The following CACNA2D3 variants were observed in gnomAD, a reference collection of about 807,000 sequenced individuals.
The protein encoded by CACNA2D3 is voltage-dependent calcium channel subunit alpha-2/delta-3.
A neutral mutation model predicts 160.6 loss-of-function variants in CACNA2D3; 60 were observed. That is an observed-to-expected ratio of 0.37 (90% confidence interval 0.30 to 0.46). The LOEUF (loss-of-function observed/expected upper bound fraction) is 0.46, where lower values mean the gene tolerates loss of function less well. CACNA2D3 is among the 20% of genes least tolerant of loss of function. The pLI is 1.00. For missense variants in CACNA2D3, 1,205 were observed against 1,365.0 expected (o/e 0.88, Z 1.85); for synonymous variants, 558 against 492.9 (o/e 1.13, Z -1.75).
At chr3:54,168,920 T>G (rs1040572813) in intron 2 of CACNA2D3, among the ~76,000 whole-genome samples, 3 of 152,196 alleles carry the variant, frequency 2.0e-5, no homozygotes, top group Admixed American at 6.5e-5. Flanking sequence ...GTGGAAGATC[T>G]TCTGTGCACT....
At chr3:54,152,722 T>A (rs1317788066) in intron 2 of CACNA2D3, among the ~76,000 whole-genome samples, 1 of 152,248 alleles carries the variant, frequency 6.6e-6, no homozygotes, top group Non-Finnish European at 1.5e-5. Flanking sequence ...GAGAAATATT[T>A]AAGAGACATT....
chr3:54,471,209 C>T (rs1559491165), intron 4 of CACNA2D3, among the ~76,000 whole-genome samples: 1 of 152,008 alleles, frequency 6.6e-6, no homozygotes, highest in Non-Finnish European at 1.5e-5. Context: ...GTTTCTCAGA[C>T]CACAGTGCAA....
At chr3:54,361,976 A>G (rs1053772825) in intron 3 of CACNA2D3, among the ~76,000 whole-genome samples, 2 of 152,216 alleles carry the variant, frequency 1.3e-5, no homozygotes, top group African/African-American at 4.8e-5. Context: ...AACCATCAAC[A>G]TGAGCGTTAA....
At chr3:54,369,243 T>G (rs531282073) in intron 3 of CACNA2D3, among the ~76,000 whole-genome samples, 1 of 151,496 alleles carries the variant, frequency 6.6e-6, no homozygotes, top group East Asian at 1.9e-4. Context: ...AACAAAAAAC[T>G]TGTAAAATAA....
At chr3:54,855,267 A>C (rs959896857) in intron 17 of CACNA2D3, among the ~76,000 whole-genome samples, 1 of 152,038 alleles carries the variant, frequency 6.6e-6, no homozygotes, top group Admixed American at 6.5e-5. Context: ...ACCCCCTCTA[A>C]AGCTTCATAA....
At chr3:54,819,155 C>T (rs937371214) in intron 14 of CACNA2D3, among the ~76,000 whole-genome samples, 3 of 151,626 alleles carry the variant, frequency 2.0e-5, no homozygotes. Flanking sequence ...GATTTACTGT[C>T]TTGCTGCTTG....
intron 13 of CACNA2D3, among the ~76,000 whole-genome samples, chr3:54,767,723 G>T (rs929715870): frequency 6.6e-6 from 1 of 152,076 alleles, no homozygotes; most frequent in African/African-American, 2.4e-5. Flanking sequence ...GGAATATTTT[G>T]TGCCAGAAAC....
intron 32 of CACNA2D3, 141 bp from the exon 33 acceptor site, chr3:55,007,649 A>G: frequency 1.7e-6 from 1 of 595,612 alleles, no homozygotes; most frequent in Non-Finnish European, 2.9e-6. Context: ...AATTTTCTTC[A>G]CTTAGCTAGA....
chr3:55,021,705 ATATGTGTGTG>A (rs1240339159), intron 35 of CACNA2D3, among the ~76,000 whole-genome samples: 10 of 139,476 alleles, frequency 7.2e-5, no homozygotes, highest in African/African-American at 3.1e-4. Context: ...GTGTATATAT[ATATGTGTGTG>A]TATATATATA....
chr3:54,745,171 G>C (rs1701731378), intron 11 of CACNA2D3, among the ~76,000 whole-genome samples: 1 of 151,986 alleles, frequency 6.6e-6, no homozygotes, highest in Non-Finnish European at 1.5e-5. Flanking sequence ...CAGAGAGAGA[G>C]ATCTAGAGGG....
At chr3:54,943,141 A>G (rs1310472310) in intron 27 of CACNA2D3, among the ~76,000 whole-genome samples, 2 of 151,872 alleles carry the variant, frequency 1.3e-5, no homozygotes, top group Non-Finnish European at 2.9e-5. Flanking sequence ...GTTCGAGGCT[A>G]CAGTGGACTA....
intron 33 of CACNA2D3, among the ~76,000 whole-genome samples, chr3:55,008,888 T>TACACACACACACAC (rs4024588): frequency 0.061 from 8,669 of 142,788 alleles, 343 homozygotes; most frequent in Non-Finnish European, 0.073. Context: ...CCTCCCTCTA[T>TACACACACACACAC]ACACACACAC....
At chr3:54,347,884 C>T (rs1698486955) in intron 3 of CACNA2D3, among the ~76,000 whole-genome samples, 2 of 152,128 alleles carry the variant, frequency 1.3e-5, no homozygotes, top group Non-Finnish European at 2.9e-5. Flanking sequence ...AGTACCCTCC[C>T]ATGGGGCTTG....
At chr3:54,188,591 T>C (rs1389464097) in intron 2 of CACNA2D3, among the ~76,000 whole-genome samples, 2 of 152,172 alleles carry the variant, frequency 1.3e-5, no homozygotes, top group African/African-American at 4.8e-5. Context: ...AATCCAACCA[T>C]AGGGTTGCTC....
At chr3:54,745,766 T>G (rs1222343910) in intron 11 of CACNA2D3, among the ~76,000 whole-genome samples, 1 of 152,218 alleles carries the variant, frequency 6.6e-6, no homozygotes, top group African/African-American at 2.4e-5. Flanking sequence ...AACTGGACTT[T>G]TATCCCTTTG....
intron 11 of CACNA2D3, among the ~76,000 whole-genome samples, chr3:54,655,806 AAGG>A (rs973613325): frequency 2.6e-5 from 4 of 152,214 alleles, no homozygotes; most frequent in South Asian, 4.1e-4. Flanking sequence ...GAAATATAAA[AAGG>A]AGGTTTGAAA....
chr3:54,600,616 C>A (rs143580595), intron 9 of CACNA2D3, among the ~76,000 whole-genome samples: 1 of 152,188 alleles, frequency 6.6e-6, no homozygotes, highest in Non-Finnish European at 1.5e-5. Flanking sequence ...CTTTGGGGAT[C>A]TGCAGATTGC....
chr3:54,227,310 G>A (rs1293501564), intron 2 of CACNA2D3, among the ~76,000 whole-genome samples: 2 of 151,966 alleles, frequency 1.3e-5, no homozygotes, highest in Admixed American at 6.6e-5. Flanking sequence ...CTTTTTGTGC[G>A]CTTCCTGGGG....
At chr3:54,494,156 G>A (rs534125890) in intron 4 of CACNA2D3, among the ~76,000 whole-genome samples, 112 of 152,306 alleles carry the variant, frequency 7.4e-4, no homozygotes, top group African/African-American at 2.6e-3. Context: ...ATGACATGGG[G>A]AACAAGGATT....
Sources: gnomAD v4.1 joint callset for allele counts (sites outside exome capture counted in the v4.1 genomes callset) on GRCh38, gnomAD v4.1.1 for gene constraint, MANE v1.5 for transcripts, NCBI Gene and HGNC (gene_info 2026-07-23, HGNC 2026-07-21) for gene names.